Variants in ANP32A observed in about 807,000 individuals in gnomAD.
ANP32A encodes acidic nuclear phosphoprotein 32 family member A.
Under a neutral mutation model 33.9 loss-of-function variants are expected in ANP32A, and 1 was observed. The observed-to-expected ratio is 0.03, with a 90% CI of 0.01 to 0.14. The LOEUF (loss-of-function observed/expected upper bound fraction) is 0.14, where lower values mean the gene tolerates loss of function less well. Ranked by LOEUF, ANP32A falls within the 10% of genes least tolerant of loss-of-function variation. The pLI, the probability that ANP32A is intolerant of heterozygous loss-of-function variation, is 1.00. For missense variants in ANP32A, 155 were observed against 306.0 expected (o/e 0.51, Z 3.68); for synonymous variants, 115 against 120.5 (o/e 0.95, Z 0.30).
At chr15:68,815,305 A>G (rs1429924387) in intron 1 of ANP32A, among the ~76,000 whole-genome samples, 1 of 152,240 alleles carries the variant, frequency 6.6e-6, no homozygotes. Flanking sequence ...CTTTATCAAG[A>G]GCCAAAATTA....
intron 1 of ANP32A, among the ~76,000 whole-genome samples, chr15:68,808,720 A>C (rs1894272233): frequency 1.3e-5 from 2 of 152,122 alleles, no homozygotes; most frequent in Admixed American, 6.5e-5. Context: ...AATTCCTCTA[A>C]ATTGAGAATG....
chr15:68,785,047 A>G (rs1268973965), intron 3 of ANP32A, among the ~76,000 whole-genome samples: 1 of 152,242 alleles, frequency 6.6e-6, no homozygotes, highest in Non-Finnish European at 1.5e-5. Context: ...AAGGGCGGTT[A>G]ACATGGCACT....
chr15:68,783,105 G>A (rs973600266), intron 4 of ANP32A, 52 bp from the exon 5 acceptor site: 27 of 1,548,238 alleles, frequency 1.7e-5, no homozygotes, highest in South Asian at 2.4e-5. Flanking sequence ...AGCTGGCTCC[G>A]CCCCCCACAC....
intron 1 of ANP32A, among the ~76,000 whole-genome samples, chr15:68,792,681 T>C (rs532274916): frequency 1.3e-5 from 2 of 152,262 alleles, no homozygotes; most frequent in East Asian, 3.9e-4. Context: ...ACTTCAAGCC[T>C]GCTTTTGCCT....
chr15:68,795,340 T>C (rs1408086655), intron 1 of ANP32A, among the ~76,000 whole-genome samples: 1 of 152,122 alleles, frequency 6.6e-6, no homozygotes, highest in East Asian at 1.9e-4. Flanking sequence ...TTTCCTACAA[T>C]AGAGCTCTGA....
chr15:68,817,407 G>C (rs1036652336), intron 1 of ANP32A: 4 of 152,356 alleles, frequency 2.6e-5, no homozygotes, highest in African/African-American at 9.6e-5. Flanking sequence ...CCCAGCCCGG[G>C]AGGGCGTTTC....
intron 1 of ANP32A, chr15:68,792,354 A>G (rs1247806202): frequency 6.6e-6 from 1 of 152,166 alleles, no homozygotes; most frequent in Non-Finnish European, 1.5e-5. Context: ...ACAGGACCCA[A>G]TGCTTCATTC....
chr15:68,794,612 A>G (rs775482236), intron 1 of ANP32A, among the ~76,000 whole-genome samples: 7 of 152,220 alleles, frequency 4.6e-5, no homozygotes, highest in Non-Finnish European at 8.8e-5. Flanking sequence ...CATTTCAGCT[A>G]GAAGGCCAAA....
chr15:68,798,970 G>A (rs111542264), intron 1 of ANP32A, among the ~76,000 whole-genome samples: 3 of 152,208 alleles, frequency 2.0e-5, no homozygotes, highest in African/African-American at 7.2e-5. Flanking sequence ...TCATGCAGAA[G>A]AACCTAAGGC....
At chr15:68,797,453 T>TA (rs1304605614) in intron 1 of ANP32A, among the ~76,000 whole-genome samples, 1 of 151,976 alleles carries the variant, frequency 6.6e-6, no homozygotes. Flanking sequence ...GCAAAGAGGG[T>TA]AAATCCTGCT....
At chr15:68,816,953 A>G (rs1894390607) in intron 1 of ANP32A, among the ~76,000 whole-genome samples, 1 of 152,210 alleles carries the variant, frequency 6.6e-6, no homozygotes, top group South Asian at 2.1e-4. Context: ...ACTTGAACCC[A>G]ATTAGGCAGT....
intron 1 of ANP32A, among the ~76,000 whole-genome samples, chr15:68,806,412 G>A (rs2140370450): frequency 1.3e-5 from 2 of 152,270 alleles, no homozygotes; most frequent in Middle Eastern, 6.8e-3. Flanking sequence ...CCAACTGCCT[G>A]CCCTGAATGA....
chr15:68,794,965 T>C (rs1894044168), intron 1 of ANP32A, among the ~76,000 whole-genome samples: 1 of 152,196 alleles, frequency 6.6e-6, no homozygotes, highest in Admixed American at 6.5e-5. Flanking sequence ...TAACGTGACC[T>C]ACAGTCTGCA....
At chr15:68,806,293 A>G (rs1894222478) in intron 1 of ANP32A, among the ~76,000 whole-genome samples, 1 of 152,130 alleles carries the variant, frequency 6.6e-6, no homozygotes, top group Non-Finnish European at 1.5e-5. Flanking sequence ...GTCTATGGCC[A>G]CTGGTCAATC....
rs1893844941 is a variant in ANP32A at position 68,779,984 on chromosome 15, T to TAAG, written c.*94_*96dup. On this transcript the variant is annotated 3_prime_UTR_variant, in exon 7 of 7. Transcript: ENST00000465139. ...CAGCAACGTTACAATCAGAAAAAAATAAGTTTCAGGGGGCAGGATTGGAGG... is the reference window on the plus strand; with the variant it reads ...CAGCAACGTTACAATCAGAAAAAAATAAGAAGTTTCAGGGGGCAGGATTGGAGG... The TAAG allele has an allele frequency of 1.0e-6, 1 of 961,830 alleles. No homozygotes were observed. The highest frequency in any genetic ancestry group is 1.4e-6 in the Non-Finnish European group (1 of 699,042). The allele number at this position is 961,830 out of a possible 1,614,324, so 59.6% of individuals were successfully genotyped here.
chr15:68,791,732 C>G (rs572496726), intron 1 of ANP32A: 6 of 152,790 alleles, frequency 3.9e-5, no homozygotes, highest in African/African-American at 1.4e-4. Flanking sequence ...CAGCACCATG[C>G]AGGGTGAGAT....
intron 1 of ANP32A, among the ~76,000 whole-genome samples, chr15:68,819,501 C>T (rs893126203): frequency 1.4e-4 from 21 of 152,252 alleles, no homozygotes; most frequent in African/African-American, 5.1e-4. Context: ...AGCGGGCAAA[C>T]TCCCATCCTA....
chr15:68,783,900 T>G (rs1003325106), intron 4 of ANP32A, among the ~76,000 whole-genome samples: 1 of 152,152 alleles, frequency 6.6e-6, no homozygotes, highest in Non-Finnish European at 1.5e-5. Context: ...CCTCTAGCTC[T>G]GGACCTCCTC....
intron 1 of ANP32A, among the ~76,000 whole-genome samples, chr15:68,810,436 G>A (rs1030636255): frequency 6.6e-6 from 1 of 152,124 alleles, no homozygotes; most frequent in Non-Finnish European, 1.5e-5. Context: ...GGGCAGTGGT[G>A]GGCAAGGGAC....
Sources: allele counts gnomAD v4.1 joint callset (sites outside exome capture counted in the v4.1 genomes callset), GRCh38; gene constraint gnomAD v4.1.1; transcripts MANE v1.5; gene names NCBI Gene and HGNC (gene_info 2026-07-23, HGNC 2026-07-21).